The following ITSN2 variants were observed in gnomAD, a reference collection of about 807,000 sequenced individuals.
ITSN2 encodes intersectin 2.
Under a neutral mutation model 243.7 loss-of-function variants are expected in ITSN2, and 156 were observed. The observed-to-expected ratio is 0.64, with a 90% CI of 0.56 to 0.73. ITSN2 has a LOEUF of 0.73. ITSN2 is among the 30% of genes least tolerant of loss of function. ITSN2 has a pLI of 0.00. For synonymous variants in ITSN2, 703 were observed against 699.9 expected (o/e 1.00, Z -0.07); for missense variants, 1,801 against 1,996.1 (o/e 0.90, Z 1.86).
chr2:24,302,098 G>C lies in ITSN2; in HGVS notation c.862C>G (p.Leu288Val), dbSNP rs1358193106. The change falls in exon 10 of 40, where the codon CTG becomes GTG. Residue 288 changes from leucine (L) to valine (V), a missense_variant. Coordinates refer to ENST00000355123, the MANE Select transcript of ITSN2 (RefSeq NM_006277.3). ...SQTQLATIWTLADVDGDGQLK... is the reference protein window; with the variant it reads ...SQTQLATIWTVADVDGDGQLK... The stretch of plus-strand genomic sequence containing the variant: ...TGTCCATCACCATCAACGTCAGCCA[G>C]AGTCCTAAAGAAAATGTTAAAATTC... 5 of 1,596,162 alleles carry C rather than the reference G, an allele frequency of 3.1e-6. No homozygotes were observed. Among genetic ancestry groups the C allele is most frequent in the Non-Finnish European group, 4.3e-6 (5 of 1,171,380 alleles).
At chr2:24,296,600 C>T (rs1365826058) in intron 13 of ITSN2, among the ~76,000 whole-genome samples, 3 of 152,146 alleles carry the variant, frequency 2.0e-5, no homozygotes, top group African/African-American at 4.8e-5. Context: ...TATAAGGACA[C>T]AATGAAAGAT....
chr2:24,308,819 T>G (rs1574256737), intron 7 of ITSN2, 63 bp from the exon 8 acceptor site: 1 of 951,426 alleles, frequency 1.1e-6, no homozygotes, highest in East Asian at 3.5e-5. Flanking sequence ...TTAAATTTTA[T>G]AAGACCAAGG....
At chr2:24,291,669 T>C (rs1680274705) in intron 15 of ITSN2, among the ~76,000 whole-genome samples, 1 of 152,080 alleles carries the variant, frequency 6.6e-6, no homozygotes, top group African/African-American at 2.4e-5. Flanking sequence ...TTTGTATTTT[T>C]AGTAGAGATG....
At chr2:24,293,555 G>T (rs1680550211) in intron 15 of ITSN2, 133 bp downstream of exon 15, 3 of 428,062 alleles carry the variant, frequency 7.0e-6, no homozygotes, top group African/African-American at 4.2e-5. Flanking sequence ...ACTTTATTTT[G>T]AAACTTTAAA....
chr2:24,315,319 G>T, intron 2 of ITSN2, 95 bp from the exon 3 acceptor site: 1 of 670,144 alleles, frequency 1.5e-6, no homozygotes, highest in South Asian at 2.0e-5. Flanking sequence ...TTCATTGTAT[G>T]ACAGTATTTA....
chr2:24,311,643 ATATAAT>A (rs1477430179), intron 5 of ITSN2: 1 of 167,146 alleles, frequency 6.0e-6, no homozygotes, highest in Non-Finnish European at 1.5e-5. Flanking sequence ...TGCTTCTCAC[ATATAAT>A]TATAAGAAAT....
At chr2:24,347,540 G>T (rs1482611486) in intron 1 of ITSN2, among the ~76,000 whole-genome samples, 2 of 152,126 alleles carry the variant, frequency 1.3e-5, no homozygotes, top group Admixed American at 6.5e-5. Context: ...TACAAAATTA[G>T]CCATGCGTGG....
chr2:24,312,083 TA>T, intron 5 of ITSN2, 128 bp downstream of exon 5: 1 of 719,334 alleles, frequency 1.4e-6, no homozygotes, highest in Non-Finnish European at 2.2e-6. Flanking sequence ...TTATTATCTC[TA>T]ACATGAAAAT....
intron 1 of ITSN2, among the ~76,000 whole-genome samples, chr2:24,328,867 A>G: frequency 6.6e-6 from 1 of 152,316 alleles, no homozygotes. Context: ...GTCTAAAAGT[A>G]ATTATTAAAA....
chr2:24,318,895 C>G (rs147735326), intron 2 of ITSN2, among the ~76,000 whole-genome samples: 35 of 152,306 alleles, frequency 2.3e-4, no homozygotes, highest in African/African-American at 7.9e-4. Flanking sequence ...AGCACTACCA[C>G]CTGAGCGGCA....
chr2:24,278,614 C>A (rs1678333538), intron 17 of ITSN2, among the ~76,000 whole-genome samples: 1 of 150,988 alleles, frequency 6.6e-6, no homozygotes, highest in African/African-American at 2.4e-5. Context: ...AAAAATAAAC[C>A]AATCAGAATT....
At chr2:24,318,335 G>A (rs565032713) in intron 2 of ITSN2, among the ~76,000 whole-genome samples, 1 of 152,096 alleles carries the variant, frequency 6.6e-6, no homozygotes, top group South Asian at 2.1e-4. Context: ...TTGTAGAGAC[G>A]GGGTCTCACT....
intron 31 of ITSN2, among the ~76,000 whole-genome samples, chr2:24,217,207 C>G (rs1202248032): frequency 1.3e-5 from 2 of 151,896 alleles, no homozygotes; most frequent in Non-Finnish European, 2.9e-5. Context: ...TGAGACTGTG[C>G]CACTGCACTC....
intron 20 of ITSN2, among the ~76,000 whole-genome samples, chr2:24,269,857 A>G (rs1390724576): frequency 6.6e-6 from 1 of 152,222 alleles, no homozygotes; most frequent in South Asian, 2.1e-4. Context: ...AATGGTAGGA[A>G]GAGCAGACAG....
upstream of ITSN2, chr2:24,360,688 C>T (rs1688902875): frequency 6.6e-6 from 1 of 152,388 alleles, no homozygotes. Flanking sequence ...CCCTGAAGGT[C>T]TGCTCCGAGT....
chr2:24,353,776 C>G (rs1430929307), intron 1 of ITSN2, among the ~76,000 whole-genome samples: 1 of 152,108 alleles, frequency 6.6e-6, no homozygotes, highest in African/African-American at 2.4e-5. Flanking sequence ...TTCTGGGAAT[C>G]TGTCATAAGG....
intron 10 of ITSN2, among the ~76,000 whole-genome samples, chr2:24,301,597 C>T (rs1389261611): frequency 1.3e-5 from 2 of 150,776 alleles, no homozygotes; most frequent in Admixed American, 6.6e-5. Flanking sequence ...ATAATCACAA[C>T]TTACTGTAGC....
intron 18 of ITSN2, among the ~76,000 whole-genome samples, chr2:24,273,023 A>G (rs1417413396): frequency 2.0e-5 from 3 of 152,190 alleles, no homozygotes; most frequent in Non-Finnish European, 4.4e-5. Context: ...GGCAGTGAAG[A>G]TTACAGCTGG....
At chr2:24,294,450 G>C (rs1421197933) in intron 14 of ITSN2, among the ~76,000 whole-genome samples, 1 of 151,974 alleles carries the variant, frequency 6.6e-6, no homozygotes, top group Admixed American at 6.6e-5. Flanking sequence ...TAGGAAAGCA[G>C]GTTTAAATCA....
Sources: gnomAD v4.1 joint callset for allele counts (sites outside exome capture counted in the v4.1 genomes callset) on GRCh38, gnomAD v4.1.1 for gene constraint, MANE v1.5 for transcripts, NCBI Gene and HGNC (gene_info 2026-07-23, HGNC 2026-07-21) for gene names.